Variants in DVL1 observed in about 807,000 individuals in gnomAD.
The protein encoded by DVL1 is dishevelled segment polarity protein 1, also known as segment polarity protein dishevelled homolog DVL-1.
In DVL1, 49 loss-of-function variants were observed where a neutral mutation model predicts 65.0. The observed-to-expected ratio is 0.75, with a 90% CI of 0.60 to 0.96. The LOEUF (loss-of-function observed/expected upper bound fraction) is 0.96. Among genes scored for constraint, DVL1 ranks in the 40% least tolerant of loss-of-function variants. The pLI, the probability that DVL1 is intolerant of heterozygous loss-of-function variation, is 0.00. For synonymous variants in DVL1, 608 were observed against 433.9 expected (o/e 1.40, Z -4.99); for missense variants, 1,197 against 1,045.4 (o/e 1.15, Z -2.00).
intron 1 of DVL1, among the ~76,000 whole-genome samples, chr1:1,344,049 G>A (rs758763192): frequency 4.6e-5 from 7 of 152,268 alleles, no homozygotes; most frequent in Middle Eastern, 3.4e-3. Flanking sequence ...AACCCACACG[G>A]CACAGAGGGG....
In DVL1 at chr1:1,339,390, C is replaced by T. The variant is rs1320063338; in HGVS notation, c.1104G>A (p.Ala368=). Residue 368 remains alanine, a synonymous_variant, in exon 11 of 15, where the codon GCG becomes GCA. Coordinates refer to ENST00000378888, the MANE Select transcript of DVL1 (RefSeq NM_001330311.2). Reference sequence around the variant, plus strand: ...AGCGGGGCAGGGCTCCTGTCAGTGCCGCCGTGTGGGACAGCCAGGCGGCGG... The same window carrying T: ...AGCGGGGCAGGGCTCCTGTCAGTGCTGCCGTGTGGGACAGCCAGGCGGCGG... ...IDPAAWLSHT[A]ALTGALPRYG... 10 of 1,549,004 alleles carry T rather than the reference C, an allele frequency of 6.5e-6. No homozygotes were observed. The Admixed American group carries it at 1.2e-4, about 18-fold the overall frequency.
intron 5 of DVL1, among the ~76,000 whole-genome samples, chr1:1,341,234 C>A (rs1370823563): frequency 6.6e-6 from 1 of 151,898 alleles, no homozygotes; most frequent in Non-Finnish European, 1.5e-5. Flanking sequence ...CATGCACACA[C>A]CTGCGCACAC....
At chr1:1,336,690 C>G (rs2100706079) in intron 14 of DVL1, among the ~76,000 whole-genome samples, 175 bp from the exon 15 acceptor site, 1 of 152,338 alleles carries the variant, frequency 6.6e-6, no homozygotes, top group South Asian at 2.1e-4. Flanking sequence ...GCAGGGGCAG[C>G]TGCGGCAGGC....
chr1:1,347,541 T>C (rs1277727815), intron 1 of DVL1, among the ~76,000 whole-genome samples: 1 of 152,234 alleles, frequency 6.6e-6, no homozygotes, highest in East Asian at 1.9e-4. Context: ...ACCTCCTCAC[T>C]ACGCATTTCC....
chr1:1,343,264 C>A (rs867237105), intron 1 of DVL1, among the ~76,000 whole-genome samples: 9 of 151,858 alleles, frequency 5.9e-5, no homozygotes, highest in Non-Finnish European at 1.2e-4. Context: ...GGAGCCCCCC[C>A]CCCCCAGGGC....
At chr1:1,340,966 A>C (rs1412115815) in intron 5 of DVL1, among the ~76,000 whole-genome samples, 12 of 122,330 alleles carry the variant, frequency 9.8e-5, no homozygotes, top group South Asian at 2.7e-4. Flanking sequence ...CACACTACAC[A>C]CCTGCACAGG....
At chr1:1,338,209 C>T (rs760441838) in intron 13 of DVL1, 26 bp from the exon 14 acceptor site, 1 of 1,594,104 alleles carries the variant, frequency 6.3e-7, no homozygotes, top group South Asian at 1.1e-5. Context: ...AGGTGAGGGC[C>T]GCGGAGGGGC....
At chr1:1,348,279 T>C (rs1569752596) in intron 1 of DVL1, among the ~76,000 whole-genome samples, 1 of 151,918 alleles carries the variant, frequency 6.6e-6, no homozygotes, top group African/African-American at 2.4e-5. Context: ...AAACAGCAGA[T>C]GGTCTGGGCT....
chr1:1,342,826 TGGAGA>T, intron 1 of DVL1, 68 bp from the exon 2 acceptor site: 1 of 1,504,202 alleles, frequency 6.6e-7, no homozygotes, highest in Non-Finnish European at 9.1e-7. Flanking sequence ...AGGTGAGGCC[TGGAGA>T]GCAGGCGCTC....
At chr1:1,343,269 C>G (rs1225931857) in intron 1 of DVL1, among the ~76,000 whole-genome samples, 2 of 46,844 alleles carry the variant, frequency 4.3e-5, no homozygotes, top group African/African-American at 6.9e-5. Context: ...CCCCCCCCCC[C>G]AGGGCTTCCC....
chr1:1,339,534 T>A, intron 10 of DVL1, 48 bp downstream of exon 10: 1 of 1,563,644 alleles, frequency 6.4e-7, no homozygotes, highest in Non-Finnish European at 8.7e-7. Context: ...TCAGGCTAGG[T>A]AGGCGCCCCC....
intron 11 of DVL1, 117 bp from the exon 12 acceptor site, chr1:1,338,770 T>C (rs1330811637): frequency 3.5e-6 from 5 of 1,445,126 alleles, no homozygotes; most frequent in East Asian, 4.9e-5. Context: ...AGCTGGACGG[T>C]GCGTGACAGC....
chr1:1,346,787 G>A (rs529873748), intron 1 of DVL1, among the ~76,000 whole-genome samples: 124 of 152,300 alleles, frequency 8.1e-4, no homozygotes, highest in African/African-American at 2.8e-3. Context: ...CCTCCTCAGC[G>A]TCCCCAGCCT....
chr1:1,346,243 G>A (rs1468577248), intron 1 of DVL1, among the ~76,000 whole-genome samples: 1 of 152,102 alleles, frequency 6.6e-6, no homozygotes, highest in Non-Finnish European at 1.5e-5. Context: ...CATGGCAGGC[G>A]GCCCTGGGGA....
chr1:1,341,922 C>A, intron 4 of DVL1, 117 bp from the exon 5 acceptor site: 2 of 1,463,880 alleles, frequency 1.4e-6, no homozygotes, highest in Non-Finnish European at 9.1e-7. Flanking sequence ...CAACTGTAGG[C>A]TCGCTGGGCC....
rs1419764140 is a variant in DVL1 at position 1,349,399 on chromosome 1, G to A, written c.-334C>T. On this transcript the variant is annotated 5_prime_UTR_variant, in exon 1 of 15. Coordinates refer to ENST00000378888, the MANE Select transcript of DVL1 (RefSeq NM_001330311.2). The surrounding 1 kb of genome is among the most constrained non-coding windows in gnomAD (Gnocchi z 4.1). Reference sequence around the variant, plus strand: ...CGCCGTTAAAGGGACCGCCCGGCCCGGGGTCCTGAGCGTGGCCGCGGGGGG... The same window carrying A: ...CGCCGTTAAAGGGACCGCCCGGCCCAGGGTCCTGAGCGTGGCCGCGGGGGG... 1 of 145,970 alleles carries A rather than the reference G, an allele frequency of 6.9e-6. No homozygotes were observed. The highest frequency in any genetic ancestry group is 1.5e-5 in the Non-Finnish European group (1 of 65,690). 9.0% of individuals were successfully genotyped at this position (145,970 alleles called of 1,614,324 possible).
At position 1,340,394 on chromosome 1, in the gene DVL1, C is replaced by T. The variant is rs753296052; in HGVS notation, c.699+16G>A. The T allele has an allele frequency of 3.7e-6, 6 of 1,612,016 alleles. No individual in the cohort carries two copies. In the East Asian group the frequency reaches 6.7e-5, roughly 18 times the overall value. ...TTCGCCTCCCCAGCCCCGCCCTGCT[C>T]CACCCGGCTGCCTACCCGGTCCGCC... On this transcript the variant is annotated intron_variant, in intron 6 of 14. Coordinates refer to ENST00000378888, the MANE Select transcript of DVL1 (RefSeq NM_001330311.2).
At chr1:1,337,940 G>C (rs559830305) in intron 14 of DVL1, 37 bp downstream of exon 14, 8 of 1,560,440 alleles carry the variant, frequency 5.1e-6, no homozygotes, top group South Asian at 1.1e-5. Context: ...AGCTGGGGGC[G>C]GAGCCGGGGA....
chr1:1,336,770 C>A (rs1331890640), intron 14 of DVL1, among the ~76,000 whole-genome samples: 1 of 152,178 alleles, frequency 6.6e-6, no homozygotes, highest in African/African-American at 2.4e-5. Flanking sequence ...CACCTCACCC[C>A]GATGCTTGAG....
Sources: gnomAD v4.1 joint callset for allele counts (sites outside exome capture counted in the v4.1 genomes callset) on GRCh38, gnomAD v4.1.1 for gene constraint, Gnocchi (gnomAD v3.1) non-coding constraint, MANE v1.5 for transcripts, NCBI Gene and HGNC (gene_info 2026-07-23, HGNC 2026-07-21) for gene names.